MRPL32: variants seen among roughly 807,000 people sequenced by gnomAD.
MRPL32 encodes mitochondrial ribosomal protein L32.
In MRPL32, 14 loss-of-function variants were observed where a neutral mutation model predicts 21.7. The ratio of observed to expected loss-of-function variants is 0.64; its 90% CI spans 0.43 to 1.01. The LOEUF is 1.01. Ranked by LOEUF, MRPL32 falls within the 50% of genes least tolerant of loss-of-function variation. The pLI, the probability that MRPL32 is intolerant of heterozygous loss-of-function variation, is 0.00. For missense variants in MRPL32, 211 were observed against 235.9 expected, an observed-to-expected ratio of 0.89 and a Z score of 0.69; for synonymous variants, 83 against 87.7, an observed-to-expected ratio of 0.95 and a Z score of 0.30.
intron 1 of MRPL32, among the ~76,000 whole-genome samples, chr7:42,933,670 C>G (rs1379461062): frequency 6.6e-6 from 1 of 152,130 alleles, no homozygotes; most frequent in Non-Finnish European, 1.5e-5. Flanking sequence ...TACTCAATTT[C>G]TAAGCAGCCT....
Position 42,937,124 on chromosome 7 carries a change from A to G in MRPL32, c.313-198A>G, listed in dbSNP as rs549443858. The G allele has an allele frequency of 1.2e-5, 16 of 1,366,470 alleles. No individual in the cohort carries two copies. The East Asian group carries it at 1.6e-4, about 13-fold the overall frequency. 84.6% of individuals were successfully genotyped at this position (1,366,470 alleles called of 1,614,324 possible). ...TTCAGGTTGGCTGAATTCTAGTTCT[A>G]GTTTTTCTCTAATTCAAACTCAGTG... On this transcript the variant is annotated intron_variant, in intron 2 of 2. Transcript: ENST00000223324.
At chr7:42,937,068 A>G (rs1425034178) in intron 2 of MRPL32, 2 of 709,166 alleles carry the variant, frequency 2.8e-6, no homozygotes, top group African/African-American at 3.6e-5. Context: ...TTACATAACT[A>G]CAACTGCTGT....
At chr7:42,934,396 T>C (rs1156791693) in intron 1 of MRPL32, among the ~76,000 whole-genome samples, 4 of 151,616 alleles carry the variant, frequency 2.6e-5, no homozygotes, top group African/African-American at 4.9e-5. Flanking sequence ...TACAGAGAAA[T>C]GGTGAGCTGG....
intron 2 of MRPL32, chr7:42,935,767 A>G (rs1786413203): frequency 1.3e-5 from 2 of 152,252 alleles, no homozygotes; most frequent in East Asian, 1.9e-4. Flanking sequence ...TCACACAGCT[A>G]TGAAGCAGTA....
At chr7:42,934,839 A>G (rs914744493) in intron 1 of MRPL32, 116 bp from the exon 2 acceptor site, 76 of 639,652 alleles carry the variant, frequency 1.2e-4, no homozygotes, top group Non-Finnish European at 1.7e-4. Flanking sequence ...TAAATTTTAT[A>G]TATAGTTTTT....
At position 42,932,518 on chromosome 7, in the gene MRPL32, T is replaced by G. The variant is rs371367209; in HGVS notation, c.130+2T>G. ...CGGGCTTTCCCAGTCCTCCGTGGGG[T>G]AGGTAAAGAAGGGCTCCGTGGGAGA... On this transcript the variant is annotated splice_donor_variant, in intron 1 of 2. Transcript: ENST00000223324. LOFTEE classifies it high-confidence loss of function. 57 of 1,599,864 alleles carry G rather than the reference T, an allele frequency of 3.6e-5. No homozygotes were observed. The highest frequency in any genetic ancestry group is 3.9e-5 in the Non-Finnish European group (46 of 1,171,084).
chr7:42,932,379 C>CA lies in MRPL32; in HGVS notation c.-7dup. ...GGGCGGGACCGGGGCGGTCTTCCAG[C>CA]AGGGAAAATGGCGCTGGCCATGCTG... On this transcript the variant is annotated 5_prime_UTR_variant, in exon 1 of 3. Coordinates refer to ENST00000223324, the MANE Select transcript of MRPL32 (RefSeq NM_031903.3). 1 of 1,605,316 alleles carries CA rather than the reference C, an allele frequency of 6.2e-7. No homozygotes were observed. The highest frequency in any genetic ancestry group is 8.5e-7 in the Non-Finnish European group (1 of 1,174,392).
chr7:42,933,478 C>T (rs1377197632), intron 1 of MRPL32, among the ~76,000 whole-genome samples: 1 of 151,274 alleles, frequency 6.6e-6, no homozygotes, highest in East Asian at 1.9e-4. Flanking sequence ...TCCCCCCTCT[C>T]CTCTTCCCTT....
chr7:42,936,900 G>A (rs1223662995), intron 2 of MRPL32: 1 of 290,172 alleles, frequency 3.4e-6, no homozygotes, highest in Non-Finnish European at 6.8e-6. Context: ...TTCTTATCTT[G>A]TTTTCCCTAA....
At chr7:42,937,046 C>A in intron 2 of MRPL32, 1 of 550,840 alleles carries the variant, frequency 1.8e-6, no homozygotes, top group South Asian at 1.7e-5. Flanking sequence ...ATGAGTATTT[C>A]TTTTTTCTTT....
In MRPL32 at chr7:42,937,346, T is replaced by C. The variant is rs779861434; in HGVS notation, c.337T>C (p.Cys113Arg). The C allele has an allele frequency of 1.9e-6, 3 of 1,614,248 alleles. No homozygotes were observed. Among genetic ancestry groups the C allele is most frequent in the South Asian group, 1.1e-5 (1 of 91,086 alleles). ...GAACAACATAGACGTTTGTCCTGAA[T>C]GTGGTCACCTGAAACAGAAACATGT... ...VKNNIDVCPE[C>R]GHLKQKHVLC... The change falls in exon 3 of 3, where the codon TGT becomes CGT. Residue 113 changes from cysteine (C) to arginine (R), a missense_variant. Coordinates refer to ENST00000223324, the MANE Select transcript of MRPL32 (RefSeq NM_031903.3).
At chr7:42,936,480 A>C (rs1186193858) in intron 2 of MRPL32, 1 of 152,184 alleles carries the variant, frequency 6.6e-6, no homozygotes, top group Non-Finnish European at 1.5e-5. Flanking sequence ...TTCCTTTCAG[A>C]AAAGGAAATT....
At chr7:42,937,004 T>C in intron 2 of MRPL32, 1 of 389,778 alleles carries the variant, frequency 2.6e-6, no homozygotes, top group Admixed American at 3.5e-5. Flanking sequence ...ACAAATTCCT[T>C]ATTTGATATT....
Position 42,937,064 on chromosome 7 carries a change from A to G in MRPL32, c.313-258A>G, listed in dbSNP as rs566853832. The G allele has an allele frequency of 1.3e-4, 85 of 674,612 alleles. No individual in the cohort carries two copies. The African/African-American group carries it at 1.3e-3, about 10-fold the overall frequency. The allele number at this position is 674,612 out of a possible 1,614,324, so 41.8% of individuals were successfully genotyped here. On this transcript the variant is annotated intron_variant, in intron 2 of 2. Coordinates refer to ENST00000223324, the MANE Select transcript of MRPL32 (RefSeq NM_031903.3). ...AGTATTTCTTTTTTCTTTTTTACAT[A>G]ACTACAACTGCTGTGTTTAAGTAAA...
At chr7:42,934,198 G>A (rs998010372) in intron 1 of MRPL32, among the ~76,000 whole-genome samples, 1 of 151,152 alleles carries the variant, frequency 6.6e-6, no homozygotes, top group African/African-American at 2.4e-5. Context: ...AACCAGGGAG[G>A]CGGAGGTTGC....
At chr7:42,934,227 C>A (rs1786385094) in intron 1 of MRPL32, among the ~76,000 whole-genome samples, 1 of 148,678 alleles carries the variant, frequency 6.7e-6, no homozygotes, top group Non-Finnish European at 1.5e-5. Flanking sequence ...GAGGTCACGC[C>A]ACTGCACTCT....
At chr7:42,933,487 T>G (rs1786367092) in intron 1 of MRPL32, among the ~76,000 whole-genome samples, 1 of 143,338 alleles carries the variant, frequency 7.0e-6, no homozygotes, top group Non-Finnish European at 1.5e-5. Flanking sequence ...TCCTCTTCCC[T>G]TCCCTTCCCT....
In MRPL32 at chr7:42,932,463, G is replaced by A; in HGVS notation, c.77G>A (p.Arg26Gln). 1.2e-6 allele frequency: 2 copies of A among 1,612,274 alleles called. No homozygotes were observed. The highest frequency in any genetic ancestry group is 1.7e-6 in the Non-Finnish European group (2 of 1,178,610). Residue 26 changes from arginine to glutamine, a missense_variant, in exon 1 of 3, where the codon CGA (arginine) becomes CAA (glutamine). Around this residue, in one of 2 missense-constraint regions of MRPL32, gnomAD observed 81 missense variants for 55.8 expected, o/e 1.45. Coordinates refer to ENST00000223324, the MANE Select transcript of MRPL32 (RefSeq NM_031903.3). ...ARGVLRNYWE[R>Q]LLRKLPQSRP... ...GGAGTGCTTCGAAACTACTGGGAGC[G>A]ACTGCTACGGAAGCTTCCGCAGAGC... is the stretch of plus-strand genomic sequence containing the variant.
At chr7:42,934,667 G>T (rs1786395510) in intron 1 of MRPL32, among the ~76,000 whole-genome samples, 1 of 152,162 alleles carries the variant, frequency 6.6e-6, no homozygotes, top group Non-Finnish European at 1.5e-5. Context: ...CAAGTTAGGT[G>T]CCTATCAGAG....
Sources: gnomAD v4.1 joint callset for allele counts (sites outside exome capture counted in the v4.1 genomes callset) on GRCh38, gnomAD v4.1.1 for gene constraint, gnomAD v4.1.1 regional missense constraint, MANE v1.5 for transcripts, NCBI Gene and HGNC (gene_info 2026-07-23, HGNC 2026-07-21) for gene names.